Variants in PCDH15 observed in about 807,000 individuals in gnomAD.
The protein encoded by PCDH15 is protocadherin-15.
A neutral mutation model predicts 178.5 loss-of-function variants in PCDH15; 129 were observed. That is an observed-to-expected ratio of 0.72 (90% CI 0.63 to 0.84). PCDH15 has a LOEUF of 0.84. Ranked by LOEUF, PCDH15 falls within the 40% of genes least tolerant of loss-of-function variation. PCDH15 has a pLI of 0.00. For missense variants in PCDH15, 2,230 were observed against 2,099.9 expected (o/e 1.06, Z -1.21); for synonymous variants, 800 against 732.0 (o/e 1.09, Z -1.50).
At chr10:55,488,046 T>C (rs1840335487) in intron 2 of PCDH15, among the ~76,000 whole-genome samples, 1 of 151,580 alleles carries the variant, frequency 6.6e-6, no homozygotes, top group Non-Finnish European at 1.5e-5. Flanking sequence ...GCAATTTATT[T>C]TATGGTGGCT....
intron 3 of PCDH15, among the ~76,000 whole-genome samples, chr10:54,402,475 T>G (rs1045119245): frequency 1.3e-5 from 2 of 151,974 alleles, no homozygotes; most frequent in African/African-American, 4.8e-5. Context: ...TTTTATTGCT[T>G]TCTTTATTAG....
At chr10:54,801,542 T>C (rs1232300682), upstream of PCDH15, among the ~76,000 whole-genome samples, 2 of 152,340 alleles carry the variant, frequency 1.3e-5, no homozygotes, top group East Asian at 1.9e-4. Context: ...TGTTTTACTT[T>C]ATCTAAGAAG....
intron 27 of PCDH15, among the ~76,000 whole-genome samples, chr10:53,861,306 T>C (rs941494092): frequency 1.3e-5 from 2 of 152,196 alleles, no homozygotes; most frequent in Non-Finnish European, 2.9e-5. Flanking sequence ...TAATAACTAA[T>C]GAAAGCTTTA....
intron 16 of PCDH15, among the ~76,000 whole-genome samples, chr10:54,088,294 A>T (rs72797019): frequency 0.2 from 30,402 of 152,072 alleles, 3,296 homozygotes; most frequent in Non-Finnish European, 0.25. Context: ...GCATTTCTCT[A>T]ATGACAAATG....
intron 2 of PCDH15, chr10:55,600,055 T>G: frequency 9.8e-7 from 1 of 1,016,604 alleles, no homozygotes; most frequent in Non-Finnish European, 1.3e-6. Context: ...CAATGTATCA[T>G]CCCTGCATTA....
intron 17 of PCDH15, among the ~76,000 whole-genome samples, chr10:54,076,587 T>A (rs1192240422): frequency 6.6e-6 from 1 of 151,534 alleles, no homozygotes; most frequent in Non-Finnish European, 1.5e-5. Context: ...AAAATTAGAA[T>A]CGAAAAAGTA....
chr10:53,823,019 C>CT, intron 32 of PCDH15: 2 of 1,614,014 alleles, frequency 1.2e-6, no homozygotes, highest in Non-Finnish European at 8.5e-7. Context: ...GCCTCTGAAT[C>CT]TTTTCTCTTG....
intron 26 of PCDH15, among the ~76,000 whole-genome samples, chr10:53,881,524 A>T (rs1254812235): frequency 6.6e-6 from 1 of 152,192 alleles, no homozygotes; most frequent in Non-Finnish European, 1.5e-5. Context: ...ATGACCAAAA[A>T]CGTTTATGCC....
chr10:54,227,988 G>T (rs951407875), intron 9 of PCDH15, among the ~76,000 whole-genome samples: 19 of 152,134 alleles, frequency 1.2e-4, no homozygotes, highest in Admixed American at 1.2e-3. Context: ...AAGCCATTCG[G>T]TAAGTCTCTA....
At position 55,600,033 on chromosome 10, in the gene PCDH15, G is replaced by C. The variant is rs573827848; in HGVS notation, c.-156+27592C>G. 2.4e-4 allele frequency: 283 copies of C among 1,169,784 alleles called. 3 individuals are homozygous for C. In the South Asian group the frequency reaches 5.0e-3, roughly 21 times the overall value. The allele number at this position is 1,169,784 out of a possible 1,614,324, so 72.5% of individuals were successfully genotyped here. On this transcript the variant is annotated intron_variant, in intron 2 of 5. Coordinates refer to the PCDH15 transcript ENST00000613346. ...CATTAATGCAAATAGATTCAAACAA[G>C]CCAACAGGCCCCAATGTATCATCCC...
chr10:55,329,981 A>G (rs1319833978), intron 2 of PCDH15, among the ~76,000 whole-genome samples: 1 of 151,814 alleles, frequency 6.6e-6, no homozygotes, highest in Non-Finnish European at 1.5e-5. Flanking sequence ...ACTGAGTCAC[A>G]TTACTTTCTT....
At chr10:53,891,779 CCT>C (rs1185708520) in intron 26 of PCDH15, among the ~76,000 whole-genome samples, 2 of 145,284 alleles carry the variant, frequency 1.4e-5, no homozygotes, top group African/African-American at 5.0e-5. Flanking sequence ...ATGGTGAAAC[CCT>C]GTCTTTACTA....
chr10:55,153,504 G>T (rs1327219023), intron 2 of PCDH15, among the ~76,000 whole-genome samples: 3 of 152,274 alleles, frequency 2.0e-5, no homozygotes, highest in East Asian at 3.9e-4. Flanking sequence ...AAGAGAAAAT[G>T]ATGGCAGATA....
chr10:54,840,169 A>G (rs1953393712), intron 3 of PCDH15, among the ~76,000 whole-genome samples: 1 of 152,080 alleles, frequency 6.6e-6, no homozygotes, highest in Non-Finnish European at 1.5e-5. Flanking sequence ...CTCTAATACT[A>G]TAATGACCGA....
intron 13 of PCDH15, among the ~76,000 whole-genome samples, chr10:54,178,535 T>C (rs1372018824): frequency 6.6e-6 from 1 of 151,726 alleles, no homozygotes; most frequent in Admixed American, 6.6e-5. Flanking sequence ...AGCACAGAAA[T>C]TGGAAGGAGT....
chr10:54,160,180 C>T (rs575369133), intron 13 of PCDH15, among the ~76,000 whole-genome samples: 3 of 146,956 alleles, frequency 2.0e-5, no homozygotes, highest in Middle Eastern at 3.5e-3. Flanking sequence ...ATGATTCATG[C>T]CCCCCCCAAC....
intron 3 of PCDH15, among the ~76,000 whole-genome samples, chr10:54,447,829 C>T (rs1163316043): frequency 6.6e-6 from 1 of 151,706 alleles, no homozygotes; most frequent in African/African-American, 2.4e-5. Flanking sequence ...ATCAATATTT[C>T]ACATGTATTT....
chr10:54,076,279 A>G (rs1380262658), intron 17 of PCDH15, among the ~76,000 whole-genome samples: 2 of 152,126 alleles, frequency 1.3e-5, no homozygotes, highest in African/African-American at 4.8e-5. Flanking sequence ...GAAAATGCAA[A>G]TGATTTTGTG....
intron 2 of PCDH15, among the ~76,000 whole-genome samples, chr10:55,378,908 T>TCTCTCTCA (rs61280428): frequency 1.3e-5 from 2 of 148,796 alleles, no homozygotes; most frequent in Non-Finnish European, 3.0e-5. Context: ...TCTCTCTCTC[T>TCTCTCTCA]CACATATGCC....
Sources: gnomAD v4.1 joint callset for allele counts (sites outside exome capture counted in the v4.1 genomes callset) on GRCh38, gnomAD v4.1.1 for gene constraint, MANE v1.5 for transcripts, NCBI Gene and HGNC (gene_info 2026-07-23, HGNC 2026-07-21) for gene names.